The following CDC73 variants were observed in gnomAD, a reference collection of about 807,000 sequenced individuals.
CDC73 encodes parafibromin.
A neutral mutation model predicts 83.7 loss-of-function variants in CDC73; 21 were observed. The observed-to-expected ratio is 0.25, with a 90% CI of 0.18 to 0.36. CDC73 has a LOEUF of 0.36. Among genes scored for constraint, CDC73 ranks in the 10% least tolerant of loss-of-function variants. CDC73 has a pLI of 1.00. For missense variants in CDC73, 342 were observed against 653.3 expected, an observed-to-expected ratio of 0.52 and a Z score of 5.19; for synonymous variants, 224 against 212.9, an observed-to-expected ratio of 1.05 and a Z score of -0.45.
intron 10 of CDC73, among the ~76,000 whole-genome samples, chr1:193,197,950 G>T (rs1038171187): frequency 6.9e-6 from 1 of 145,414 alleles, no homozygotes; most frequent in East Asian, 2.0e-4. Context: ...AAAAAAAAGT[G>T]TATGTGCAAA....
chr1:193,148,085 T>C (rs1369749704), intron 8 of CDC73, 120 bp downstream of exon 8: 1 of 740,808 alleles, frequency 1.3e-6, no homozygotes, highest in Non-Finnish European at 2.4e-6. Context: ...TTTTGCTCCT[T>C]TAGCATATCT....
intron 13 of CDC73, among the ~76,000 whole-genome samples, chr1:193,212,762 G>C (rs1677301075): frequency 6.6e-6 from 1 of 152,078 alleles, no homozygotes; most frequent in Non-Finnish European, 1.5e-5. Context: ...TTTTCTCTGA[G>C]AGAGCTTGAG....
At position 193,212,060 on chromosome 1, in the gene CDC73, C is replaced by T. The variant is rs746118697; in HGVS notation, c.1031-5C>T. On this transcript the variant is annotated splice_polypyrimidine_tract_variant and splice_region_variant and intron_variant, in intron 11 of 16. Transcript: ENST00000367435. ...CAGAGTTGTGATTTTTTTTCTTTTT[C>T]ACAGTTTCTCAAGCAAGACCTCCCC... 1.2e-5 allele frequency: 19 copies of T among 1,577,634 alleles called. No homozygotes were observed. The Admixed American group carries it at 2.8e-4, about 23-fold the overall frequency.
intron 13 of CDC73, among the ~76,000 whole-genome samples, chr1:193,217,010 TC>T (rs1677379642): frequency 6.6e-6 from 1 of 151,176 alleles, no homozygotes; most frequent in Non-Finnish European, 1.5e-5. Context: ...CTGGAAGCAT[TC>T]CCCCTGAGAA....
Position 193,251,774 on chromosome 1 carries a change from C to T in CDC73, c.*1062C>T, listed in dbSNP as rs1001568230. 8 of 230,964 alleles carry T rather than the reference C, an allele frequency of 3.5e-5. No individual in the cohort carries two copies. The highest frequency in any genetic ancestry group is 4.3e-5 in the Non-Finnish European group (5 of 116,916). The allele number at this position is 230,964 out of a possible 1,614,324, so 14.3% of individuals were successfully genotyped here. A position where few individuals can be genotyped will look rare whatever the true frequency, so the allele number is the denominator to read the frequency against. ...CTTAGTGAAATATTTTACTATTTCTCTACTTCAGACAAAATGTTGCATCCA... is the reference window on the plus strand; with the variant it reads ...CTTAGTGAAATATTTTACTATTTCTTTACTTCAGACAAAATGTTGCATCCA... On this transcript the variant is annotated 3_prime_UTR_variant, in exon 17 of 17. Transcript: ENST00000367435.
intron 2 of CDC73, among the ~76,000 whole-genome samples, chr1:193,127,057 T>A (rs1423554610): frequency 2.0e-5 from 3 of 151,900 alleles, no homozygotes; most frequent in African/African-American, 7.3e-5. Context: ...TCACTTGAGC[T>A]CAGGAGTTCA....
intron 15 of CDC73, among the ~76,000 whole-genome samples, chr1:193,246,142 A>G (rs1168978933): frequency 6.6e-6 from 1 of 151,850 alleles, no homozygotes; most frequent in African/African-American, 2.4e-5. Context: ...ATATAATCTC[A>G]TTTGTTTATT....
At chr1:193,200,494 A>G (rs1677074306) in intron 10 of CDC73, among the ~76,000 whole-genome samples, 1 of 152,162 alleles carries the variant, frequency 6.6e-6, no homozygotes, top group Non-Finnish European at 1.5e-5. Context: ...TGGTTCTCTC[A>G]CTGTTTTTCC....
At chr1:193,178,593 A>G (rs1464786207) in intron 10 of CDC73, among the ~76,000 whole-genome samples, 1 of 152,196 alleles carries the variant, frequency 6.6e-6, no homozygotes, top group Admixed American at 6.5e-5. Context: ...TCTGTCAAAC[A>G]TGCTGATCTG....
At chr1:193,207,711 T>C (rs1054137676) in intron 11 of CDC73, among the ~76,000 whole-genome samples, 4 of 152,184 alleles carry the variant, frequency 2.6e-5, no homozygotes, top group Non-Finnish European at 5.9e-5. Flanking sequence ...ATCGTTGTTA[T>C]TCTCTTCTTT....
intron 10 of CDC73, among the ~76,000 whole-genome samples, chr1:193,161,459 T>C (rs1432012333): frequency 6.7e-6 from 1 of 148,874 alleles, no homozygotes; most frequent in Non-Finnish European, 1.5e-5. Flanking sequence ...ATGGGTGTCA[T>C]TGAAAAAGCT....
chr1:193,159,821 T>C (rs982915916), intron 10 of CDC73, among the ~76,000 whole-genome samples: 5 of 152,210 alleles, frequency 3.3e-5, no homozygotes, highest in Non-Finnish European at 7.3e-5. Flanking sequence ...AACACTTATT[T>C]AGATGGGTAA....
intron 15 of CDC73, among the ~76,000 whole-genome samples, chr1:193,237,728 C>T (rs1246823522): frequency 2.0e-5 from 3 of 152,040 alleles, no homozygotes; most frequent in South Asian, 4.1e-4. Context: ...GTCAGGGCTG[C>T]GGCTGCTGTG....
chr1:193,179,253 A>G (rs531995247), intron 10 of CDC73: 1 of 152,342 alleles, frequency 6.6e-6, no homozygotes, highest in African/African-American at 2.4e-5. Flanking sequence ...AATAGGTGCC[A>G]TAAAATGATT....
intron 2 of CDC73, among the ~76,000 whole-genome samples, chr1:193,127,629 C>T (rs1335249483): frequency 6.6e-6 from 1 of 152,034 alleles, no homozygotes; most frequent in African/African-American, 2.4e-5. Context: ...AATGGTTGTG[C>T]ATATAACTGA....
chr1:193,198,608 A>G (rs1677040917), intron 10 of CDC73, among the ~76,000 whole-genome samples: 1 of 152,250 alleles, frequency 6.6e-6, no homozygotes, highest in Non-Finnish European at 1.5e-5. Flanking sequence ...TTGGTATAGT[A>G]GCACAAATGT....
chr1:193,155,725 C>G (rs1367556503), intron 10 of CDC73, among the ~76,000 whole-genome samples: 1 of 152,016 alleles, frequency 6.6e-6, no homozygotes, highest in Non-Finnish European at 1.5e-5. Context: ...TGCAGTGAGC[C>G]AGGATTATGC....
chr1:193,233,759 G>T (rs1313748161), intron 14 of CDC73, among the ~76,000 whole-genome samples: 3 of 151,870 alleles, frequency 2.0e-5, no homozygotes, highest in Non-Finnish European at 4.4e-5. Flanking sequence ...TTATTGTAAG[G>T]GAATAATGTA....
At chr1:193,199,710 CAAA>C (rs879633462) in intron 10 of CDC73, among the ~76,000 whole-genome samples, 3 of 75,084 alleles carry the variant, frequency 4.0e-5, no homozygotes, top group Non-Finnish European at 2.8e-5. Flanking sequence ...GACTCCATCT[CAAA>C]AAAAAAAAAA....
Sources: allele counts gnomAD v4.1 joint callset (sites outside exome capture counted in the v4.1 genomes callset), GRCh38; gene constraint gnomAD v4.1.1; transcripts MANE v1.5; gene names NCBI Gene and HGNC (gene_info 2026-07-23, HGNC 2026-07-21).